Variants in VPS53 observed in about 807,000 individuals in gnomAD.
VPS53 encodes the protein VPS53 subunit of GARP complex.
VPS53 carries 70 observed loss-of-function variants against 107.0 expected under a neutral mutation model. That is an observed-to-expected ratio of 0.65 (90% CI 0.54 to 0.80). The LOEUF (loss-of-function observed/expected upper bound fraction) is 0.80. VPS53 is among the 30% of genes least tolerant of loss of function. VPS53 has a pLI of 0.00. For missense variants in VPS53, 917 were observed against 1,049.4 expected, an observed-to-expected ratio of 0.87 and a Z score of 1.74; for synonymous variants, 409 against 393.3, an observed-to-expected ratio of 1.04 and a Z score of -0.47.
chr17:521,902 T>G (rs1333137688), intron 19 of VPS53, among the ~76,000 whole-genome samples, 164 bp from the exon 20 acceptor site: 2 of 152,074 alleles, frequency 1.3e-5, no homozygotes, highest in Non-Finnish European at 2.9e-5. Flanking sequence ...TATGTATAAT[T>G]CCCATCACCT....
At chr17:572,510 C>T (rs1365279461) in intron 13 of VPS53, among the ~76,000 whole-genome samples, 3 of 151,436 alleles carry the variant, frequency 2.0e-5, no homozygotes, top group Non-Finnish European at 2.9e-5. Context: ...CCCCTCTGCC[C>T]AGCGCGTCTG....
chr17:526,864 T>C (rs1426646898), intron 19 of VPS53, among the ~76,000 whole-genome samples: 1 of 152,106 alleles, frequency 6.6e-6, no homozygotes, highest in African/African-American at 2.4e-5. Flanking sequence ...GATGAAAATT[T>C]TGCGTAAATA....
intron 18 of VPS53, chr17:536,456 T>TC (rs1910072984): frequency 6.6e-6 from 1 of 152,194 alleles, no homozygotes; most frequent in African/African-American, 2.4e-5. Flanking sequence ...AATTATCCAA[T>TC]CCTGGGCAAG....
At chr17:639,535 T>C (rs1303921167) in intron 7 of VPS53, among the ~76,000 whole-genome samples, 1 of 152,174 alleles carries the variant, frequency 6.6e-6, no homozygotes, top group Non-Finnish European at 1.5e-5. Context: ...TTTTTCCCCA[T>C]CTTTGGGGTT....
chr17:602,839 T>A (rs1968388747), intron 11 of VPS53, among the ~76,000 whole-genome samples: 1 of 152,158 alleles, frequency 6.6e-6, no homozygotes, highest in South Asian at 2.1e-4. Context: ...CCTAGAGATG[T>A]TGTTTATGCC....
intron 4 of VPS53, among the ~76,000 whole-genome samples, chr17:692,536 C>T (rs1036480106): frequency 2.0e-5 from 3 of 152,198 alleles, no homozygotes; most frequent in Non-Finnish European, 4.4e-5. Context: ...ATTTCAGAAA[C>T]TTCAAGAAGC....
chr17:694,612 C>T (rs1480315348), intron 4 of VPS53, among the ~76,000 whole-genome samples: 1 of 152,212 alleles, frequency 6.6e-6, no homozygotes, highest in African/African-American at 2.4e-5. Flanking sequence ...AGTTGGGACT[C>T]TTAATGCACA....
intron 14 of VPS53, 56 bp from the exon 15 acceptor site, chr17:560,629 C>T (rs1039701225): frequency 1.2e-5 from 19 of 1,580,708 alleles, no homozygotes; most frequent in Admixed American, 1.8e-5. Flanking sequence ...GCTTCCTGAA[C>T]TGGAAACTAC....
rs764038297 is a variant in VPS53 at position 631,541 on chromosome 17, A to G, written c.687+9T>C. On this transcript the variant is annotated intron_variant, in intron 8 of 21. Transcript: ENST00000437048. ...CATCTCTAAAGACTGGGGAAACGCA[A>G]AGCAGTACCTTGGTGCCCTGGGAAG... 2.0e-5 allele frequency: 33 copies of G among 1,613,878 alleles called. No individual in the cohort carries two copies. Among genetic ancestry groups the G allele is most frequent in the Non-Finnish European group, 2.6e-5 (31 of 1,179,868 alleles).
intron 7 of VPS53, among the ~76,000 whole-genome samples, chr17:648,104 C>T (rs1483859876): frequency 1.3e-5 from 2 of 152,212 alleles, no homozygotes; most frequent in Non-Finnish European, 2.9e-5. Flanking sequence ...GCTGCTGGGA[C>T]ACCCACCTGG....
chr17:532,987 C>G, intron 18 of VPS53, 76 bp from the exon 19 acceptor site: 1 of 1,538,296 alleles, frequency 6.5e-7, no homozygotes, highest in South Asian at 1.2e-5. Flanking sequence ...TAAGGTTCCA[C>G]GTATCTCCAT....
At chr17:686,654 G>A (rs1470244463) in intron 4 of VPS53, among the ~76,000 whole-genome samples, 2 of 152,180 alleles carry the variant, frequency 1.3e-5, no homozygotes, top group Admixed American at 1.3e-4. Flanking sequence ...TAAACCTGGA[G>A]TTGCTTTAAA....
chr17:633,611 T>G (rs1425852014), intron 7 of VPS53, among the ~76,000 whole-genome samples: 1 of 152,048 alleles, frequency 6.6e-6, no homozygotes, highest in Admixed American at 6.5e-5. Context: ...CTTTCCAAGG[T>G]TTTTCCAGTA....
intron 13 of VPS53, among the ~76,000 whole-genome samples, chr17:581,123 G>T (rs1405201441): frequency 7.5e-6 from 1 of 133,308 alleles, no homozygotes; most frequent in Non-Finnish European, 1.6e-5. Flanking sequence ...CCTCCCTCAG[G>T]ACCTAATGCG....
intron 4 of VPS53, among the ~76,000 whole-genome samples, chr17:695,055 G>A (rs577500713): frequency 2.0e-5 from 3 of 152,298 alleles, no homozygotes; most frequent in Non-Finnish European, 2.9e-5. Flanking sequence ...GAAATAGAAA[G>A]ATGACAAAGA....
Position 551,740 on chromosome 17 carries a change from C to A in VPS53, c.1866+132G>T, listed in dbSNP as rs77190629. On this transcript the variant is annotated intron_variant, in intron 17 of 21. Transcript: ENST00000437048. ...ACTAACTGAGTGCTTTCAGGAACTC[C>A]GGGGCCTCTCCATTCTCCTCAGCTG... The A allele has an allele frequency of 5.7e-6, 4 of 698,064 alleles. No homozygotes were observed. In the East Asian group the frequency reaches 9.5e-5, roughly 17 times the overall value. 43.2% of individuals were successfully genotyped at this position (698,064 alleles called of 1,614,324 possible). A position where few individuals can be genotyped will look rare whatever the true frequency, so the allele number is the denominator to read the frequency against.
intron 4 of VPS53, among the ~76,000 whole-genome samples, chr17:693,956 G>A (rs1480193375): frequency 6.6e-6 from 1 of 152,088 alleles, no homozygotes; most frequent in Non-Finnish European, 1.5e-5. Context: ...TGGAACATCC[G>A]TAATTCCACC....
chr17:579,166 T>TC (rs1217321225), intron 13 of VPS53, among the ~76,000 whole-genome samples: 3 of 145,284 alleles, frequency 2.1e-5, no homozygotes, highest in Non-Finnish European at 3.0e-5. Context: ...CCTCAGAACC[T>TC]AATGCGTTCC....
chr17:581,477 C>A (rs936920977), intron 13 of VPS53, among the ~76,000 whole-genome samples: 36 of 151,770 alleles, frequency 2.4e-4, no homozygotes, highest in Admixed American at 2.2e-3. Flanking sequence ...TCCCTCAGAA[C>A]ATAATGCGTT....
Sources: allele counts gnomAD v4.1 joint callset (sites outside exome capture counted in the v4.1 genomes callset), GRCh38; gene constraint gnomAD v4.1.1; transcripts MANE v1.5; gene names NCBI Gene and HGNC (gene_info 2026-07-23, HGNC 2026-07-21).